BMPR2: variants seen among roughly 807,000 people sequenced by gnomAD.
BMPR2 encodes bone morphogenetic protein receptor type 2.
A neutral mutation model predicts 100.8 loss-of-function variants in BMPR2; 29 were observed. The ratio of observed to expected loss-of-function variants is 0.29; its 90% CI spans 0.21 to 0.39. BMPR2 has a LOEUF of 0.39. BMPR2 is among the 10% of genes least tolerant of loss of function. The probability of loss-of-function intolerance (pLI) is 1.00; values close to 1 mark genes in which losing one functional copy is unlikely to be tolerated. For missense variants in BMPR2, 1,011 were observed against 1,274.5 expected, an observed-to-expected ratio of 0.79 and a Z score of 3.15; for synonymous variants, 382 against 442.3, an observed-to-expected ratio of 0.86 and a Z score of 1.71.
intron 9 of BMPR2, among the ~76,000 whole-genome samples, chr2:202,533,755 G>A (rs1178499564): frequency 1.3e-5 from 2 of 151,872 alleles, no homozygotes; most frequent in Non-Finnish European, 2.9e-5. Context: ...CCCAGTAGGC[G>A]GAGGTTGCAG....
intron 3 of BMPR2, among the ~76,000 whole-genome samples, 178 bp from the exon 4 acceptor site, chr2:202,513,541 A>G (rs1411789061): frequency 2.6e-5 from 4 of 152,188 alleles, no homozygotes; most frequent in African/African-American, 9.7e-5. Context: ...TGTATGATTA[A>G]AAAATATAAT....
intron 3 of BMPR2, among the ~76,000 whole-genome samples, chr2:202,493,877 A>G (rs1559055035): frequency 6.6e-6 from 1 of 151,750 alleles, no homozygotes; most frequent in Non-Finnish European, 1.5e-5. Flanking sequence ...AGTATGGGCT[A>G]TTTTTTTTGT....
At chr2:202,513,898 T>A in intron 4 of BMPR2, 69 bp downstream of exon 4, 1 of 1,231,254 alleles carries the variant, frequency 8.1e-7, no homozygotes, top group Non-Finnish European at 1.2e-6. Flanking sequence ...TTGCTCCTTT[T>A]AAATTCCGTA....
rs1031896527 is a variant in BMPR2 at position 202,561,186 on chromosome 2, A to G, written c.*1240A>G. 2.6e-5 allele frequency: 4 copies of G among 152,164 alleles called. No homozygotes were observed. The highest frequency in any genetic ancestry group is 9.7e-5 in the African/African-American group (4 of 41,448). The allele number at this position is 152,164 out of a possible 1,614,324, so 9.4% of individuals were successfully genotyped here. A position where few individuals can be genotyped will look rare whatever the true frequency, so the allele number is the denominator to read the frequency against. On this transcript the variant is annotated 3_prime_UTR_variant, in exon 13 of 13. Transcript: ENST00000374580. ...CATTCAAGTGGCATGCCAAGTCCCT[A>G]TGAAGGAAGGGCTGCTATCAAACCT... is the stretch of plus-strand genomic sequence containing the variant.
At chr2:202,403,569 A>G (rs1351970481) in intron 1 of BMPR2, among the ~76,000 whole-genome samples, 2 of 152,218 alleles carry the variant, frequency 1.3e-5, no homozygotes, top group African/African-American at 2.4e-5. Context: ...ACCTCTAGAA[A>G]GTTAACGTTT....
At chr2:202,511,543 A>C (rs12472574) in intron 3 of BMPR2, among the ~76,000 whole-genome samples, 19,250 of 152,154 alleles carry the variant, frequency 0.13, 1,289 homozygotes, top group Admixed American at 0.14. Context: ...TACAAGAGTT[A>C]TAATTTATCC....
At chr2:202,411,543 G>C (rs745675211) in intron 1 of BMPR2, among the ~76,000 whole-genome samples, 1 of 152,162 alleles carries the variant, frequency 6.6e-6, no homozygotes, top group Non-Finnish European at 1.5e-5. Flanking sequence ...CTGTTTGTTG[G>C]AAAACTGGCC....
In BMPR2 at chr2:202,435,381, A is replaced by G. The variant is rs1429047069; in HGVS notation, c.77-29428A>G. ...CCTGTCTCAAAAAAAAAATACATAT[A>G]TATATATATATATATATATATATAT... On this transcript the variant is annotated intron_variant, in intron 1 of 12. Transcript: ENST00000374580. Among the ~76,000 whole-genome samples, 197 of 73,624 alleles carry G rather than the reference A, an allele frequency of 2.7e-3. 13 individuals carry two copies. The highest frequency in any genetic ancestry group is 0.013 in the African/African-American group (192 of 14,442). 48.3% of individuals were successfully genotyped at this position (73,624 alleles called of 152,430 possible).
chr2:202,383,709 C>T (rs1574418987), intron 1 of BMPR2, among the ~76,000 whole-genome samples: 2 of 150,472 alleles, frequency 1.3e-5, no homozygotes, highest in South Asian at 4.2e-4. Context: ...AAATTAGCCA[C>T]GCGTGGTGGT....
chr2:202,394,028 T>C (rs1430474468), intron 1 of BMPR2, among the ~76,000 whole-genome samples: 6 of 151,962 alleles, frequency 3.9e-5, no homozygotes, highest in Non-Finnish European at 7.4e-5. Flanking sequence ...GAATATTTCA[T>C]TATTGTTTGA....
At position 202,565,657 on chromosome 2, in the gene BMPR2, T is replaced by A. The variant is rs1309404047; in HGVS notation, c.*5711T>A. On this transcript the variant is annotated 3_prime_UTR_variant, in exon 13 of 13. Coordinates refer to ENST00000374580, the MANE Select transcript of BMPR2 (RefSeq NM_001204.7). The stretch of plus-strand genomic sequence containing the variant: ...TGATTGAGCCACAACCTTTTACATA[T>A]TTTTTGTATGAAATATTAAACACTA... The A allele has an allele frequency of 6.6e-6, 1 of 152,600 alleles. No homozygotes were observed. Among genetic ancestry groups the A allele is most frequent in the Non-Finnish European group, 1.5e-5 (1 of 68,000 alleles). The allele number at this position is 152,600 out of a possible 1,614,324, so 9.5% of individuals were successfully genotyped here. A position where few individuals can be genotyped will look rare whatever the true frequency, so the allele number is the denominator to read the frequency against.
chr2:202,465,112 G>C, intron 2 of BMPR2, 133 bp downstream of exon 2: 1 of 1,169,184 alleles, frequency 8.6e-7, no homozygotes, highest in East Asian at 2.6e-5. Context: ...AAAGCCAGGT[G>C]TGGTGGCTCA....
chr2:202,534,684 T>C (rs1485896696), intron 9 of BMPR2, among the ~76,000 whole-genome samples: 3 of 152,216 alleles, frequency 2.0e-5, no homozygotes, highest in Non-Finnish European at 4.4e-5. Context: ...ACGGCAACCA[T>C]CTGATTTCTC....
chr2:202,430,763 C>T (rs1293290286), intron 1 of BMPR2, among the ~76,000 whole-genome samples: 1 of 150,344 alleles, frequency 6.7e-6, no homozygotes, highest in African/African-American at 2.5e-5. Flanking sequence ...AGTTCAAGAC[C>T]AGCCTGACCA....
chr2:202,456,911 C>T (rs1290914219), intron 1 of BMPR2, among the ~76,000 whole-genome samples: 1 of 152,176 alleles, frequency 6.6e-6, no homozygotes, highest in African/African-American at 2.4e-5. Flanking sequence ...TACATGGCTT[C>T]ATATGTGGGT....
intron 10 of BMPR2, among the ~76,000 whole-genome samples, chr2:202,545,095 A>G (rs1289081650): frequency 7.0e-6 from 1 of 143,752 alleles, no homozygotes; most frequent in African/African-American, 2.6e-5. Context: ...TTACCTTTCA[A>G]TTCTTCCTTC....
At chr2:202,443,666 C>T (rs868682480) in intron 1 of BMPR2, among the ~76,000 whole-genome samples, 3 of 150,282 alleles carry the variant, frequency 2.0e-5, no homozygotes, top group Admixed American at 1.3e-4. Context: ...CTGGTTCAAG[C>T]GATTCTCCTG....
At chr2:202,402,821 GTGTT>G in intron 1 of BMPR2, among the ~76,000 whole-genome samples, 7 of 150,588 alleles carry the variant, frequency 4.6e-5, no homozygotes, top group Non-Finnish European at 1.5e-5. Flanking sequence ...ATGCCACCCT[GTGTT>G]GCTAATTTTT....
intron 1 of BMPR2, among the ~76,000 whole-genome samples, chr2:202,457,539 A>ATT (rs1234080950): frequency 9.7e-5 from 12 of 124,012 alleles, no homozygotes; most frequent in Non-Finnish European, 1.6e-4. Flanking sequence ...TTTTAGCAAT[A>ATT]TTTTATATAT....
Sources: allele counts gnomAD v4.1 joint callset (sites outside exome capture counted in the v4.1 genomes callset), GRCh38; gene constraint gnomAD v4.1.1; transcripts MANE v1.5; gene names NCBI Gene and HGNC (gene_info 2026-07-23, HGNC 2026-07-21).